TTC23: variants seen among roughly 807,000 people sequenced by gnomAD.
TTC23 encodes tetratricopeptide repeat domain 23.
TTC23 carries 58 observed loss-of-function variants against 55.1 expected under a neutral mutation model. The ratio of observed to expected loss-of-function variants is 1.05; its 90% CI spans 0.85 to 1.31. TTC23 has a LOEUF of 1.31. TTC23 is among the 50% of genes most tolerant of loss of function. The pLI is 0.00. For synonymous variants in TTC23, 203 were observed against 199.9 expected, an observed-to-expected ratio of 1.02 and a Z score of -0.13; for missense variants, 516 against 534.4, an observed-to-expected ratio of 0.97 and a Z score of 0.34.
intron 9 of TTC23, among the ~76,000 whole-genome samples, chr15:99,176,672 A>G (rs931796202): frequency 4.6e-5 from 7 of 152,168 alleles, no homozygotes; most frequent in Non-Finnish European, 8.8e-5. Context: ...GGCAAAACAC[A>G]CTAGCAATTC....
chr15:99,160,459 A>G (rs1279087074), intron 11 of TTC23: 1 of 152,236 alleles, frequency 6.6e-6, no homozygotes, highest in Non-Finnish European at 1.5e-5. Flanking sequence ...CTACTACCAT[A>G]GCATTTACAT....
intron 8 of TTC23, among the ~76,000 whole-genome samples, chr15:99,217,966 C>G (rs2077606099): frequency 6.6e-6 from 1 of 152,242 alleles, no homozygotes; most frequent in Non-Finnish European, 1.5e-5. Flanking sequence ...CCAACACAGA[C>G]CTTTCTCCAC....
chr15:99,214,335 G>A (rs574658695), intron 8 of TTC23, among the ~76,000 whole-genome samples: 59 of 151,912 alleles, frequency 3.9e-4, no homozygotes, highest in African/African-American at 1.3e-3. Flanking sequence ...GTGAAACACC[G>A]TCTCTACTAA....
chr15:99,140,619 C>T (rs557992316), intron 12 of TTC23: 1 of 152,316 alleles, frequency 6.6e-6, no homozygotes, highest in African/African-American at 2.4e-5. Flanking sequence ...ATCCACCTGC[C>T]TTGGCCTCCC....
chr15:99,150,715 T>G (rs2069605758), intron 12 of TTC23, among the ~76,000 whole-genome samples: 1 of 152,198 alleles, frequency 6.6e-6, no homozygotes, highest in Non-Finnish European at 1.5e-5. Context: ...AAAAAACGTT[T>G]AACTTGAGGG....
intron 9 of TTC23, among the ~76,000 whole-genome samples, chr15:99,196,141 G>C (rs1236874083): frequency 6.9e-6 from 1 of 145,754 alleles, no homozygotes; most frequent in Non-Finnish European, 1.5e-5. Flanking sequence ...GACACAGCGA[G>C]ACTCTGTCTC....
intron 8 of TTC23, among the ~76,000 whole-genome samples, chr15:99,202,606 G>T (rs2076290471): frequency 6.6e-6 from 1 of 152,184 alleles, no homozygotes; most frequent in South Asian, 2.1e-4. Context: ...GAAGACCACG[G>T]AAAACTTGTA....
chr15:99,233,449 C>T (rs12910370), intron 4 of TTC23, among the ~76,000 whole-genome samples: 28,396 of 151,956 alleles, frequency 0.19, 2,841 homozygotes, highest in East Asian at 0.37. Context: ...CCTTTAAAGA[C>T]ACAAACTACC....
chr15:99,196,314 C>T (rs555106174), intron 9 of TTC23, among the ~76,000 whole-genome samples: 21 of 152,000 alleles, frequency 1.4e-4, no homozygotes, highest in Non-Finnish European at 2.1e-4. Flanking sequence ...CTGCTGGTGG[C>T]GAGGTACATC....
intron 6 of TTC23, among the ~76,000 whole-genome samples, chr15:99,220,935 C>T (rs563458185): frequency 6.6e-6 from 1 of 152,330 alleles, no homozygotes; most frequent in African/African-American, 2.4e-5. Flanking sequence ...GGCTCCTGCA[C>T]ATCCAATCCA....
intron 9 of TTC23, among the ~76,000 whole-genome samples, chr15:99,182,393 C>T (rs1351916258): frequency 2.6e-5 from 4 of 152,022 alleles, no homozygotes; most frequent in East Asian, 3.9e-4. Flanking sequence ...TCTTTAATTA[C>T]GAGTGAGGCT....
rs1342275163 is a variant in TTC23, at chr15:99,160,455, C to T, written c.993+1285G>A. The T allele has an allele frequency of 2.0e-5, 3 of 152,054 alleles. No homozygotes were observed. In the East Asian group the frequency reaches 5.8e-4, roughly 29 times the overall value. 9.4% of individuals were successfully genotyped at this position (152,054 alleles called of 1,614,324 possible). A position where few individuals can be genotyped will look rare whatever the true frequency, so the allele number is the denominator to read the frequency against. The stretch of plus-strand genomic sequence containing the variant: ...AAAAAATACAGTGTAACAACTACTA[C>T]CATAGCATTTACATTGTATTAGGTA... On this transcript the variant is annotated intron_variant, in intron 11 of 13. Coordinates refer to ENST00000394132, the MANE Select transcript of TTC23 (RefSeq NM_001288615.3).
At chr15:99,208,838 TTG>T (rs1375773939) in intron 8 of TTC23, among the ~76,000 whole-genome samples, 4 of 152,252 alleles carry the variant, frequency 2.6e-5, no homozygotes, top group Non-Finnish European at 1.5e-5. Flanking sequence ...TCGGGTAATC[TTG>T]TGTGTTTCCA....
chr15:99,251,040 T>C (rs961573335), upstream of TTC23: 1 of 121,104 alleles, frequency 8.3e-6, no homozygotes, highest in African/African-American at 3.4e-5. Context: ...GTGGGATCAT[T>C]GTTGTAATCC....
intron 9 of TTC23, among the ~76,000 whole-genome samples, chr15:99,189,644 A>G (rs975378872): frequency 6.6e-6 from 1 of 152,212 alleles, no homozygotes; most frequent in Non-Finnish European, 1.5e-5. Flanking sequence ...TCATGAGGAA[A>G]CATTAGACAA....
chr15:99,158,371 G>T (rs951140355), intron 11 of TTC23: 2 of 152,234 alleles, frequency 1.3e-5, no homozygotes, highest in Admixed American at 6.5e-5. Context: ...CCCAGATAAA[G>T]CTTTGGATGC....
chr15:99,198,536 C>T (rs1464486433), intron 9 of TTC23, among the ~76,000 whole-genome samples: 1 of 152,216 alleles, frequency 6.6e-6, no homozygotes, highest in East Asian at 1.9e-4. Flanking sequence ...CTATGGTTGG[C>T]ACAACCTCCC....
intron 4 of TTC23, among the ~76,000 whole-genome samples, chr15:99,233,914 A>C (rs1445889234): frequency 7.2e-5 from 11 of 152,180 alleles, no homozygotes; most frequent in Non-Finnish European, 1.6e-4. Context: ...AATATGCAAA[A>C]CCAATTCCTT....
intron 10 of TTC23, among the ~76,000 whole-genome samples, chr15:99,171,556 C>T (rs575051654): frequency 1.9e-4 from 25 of 133,114 alleles, no homozygotes; most frequent in African/African-American, 6.8e-4. Context: ...TGAGTCTCTC[C>T]GTCTTTTTTT....
Sources: allele counts gnomAD v4.1 joint callset (sites outside exome capture counted in the v4.1 genomes callset), GRCh38; gene constraint gnomAD v4.1.1; transcripts MANE v1.5; gene names NCBI Gene and HGNC (gene_info 2026-07-23, HGNC 2026-07-21).